The following MCPH1 variants were observed in gnomAD, a reference collection of about 807,000 sequenced individuals.
MCPH1 encodes the protein microcephalin 1.
A neutral mutation model predicts 84.5 loss-of-function variants in MCPH1; 104 were observed. The ratio of observed to expected loss-of-function variants is 1.23; its 90% CI spans 1.05 to 1.45. MCPH1 has a LOEUF of 1.45. MCPH1 is among the 40% of genes most tolerant of loss of function. The pLI, the probability that MCPH1 is intolerant of heterozygous loss-of-function variation, is 0.00. For missense variants in MCPH1, 1,498 were observed against 1,005.7 expected (o/e 1.49, Z -6.62); for synonymous variants, 514 against 366.8 (o/e 1.40, Z -4.58).
At chr8:6,554,834 G>A (rs1219149557) in intron 12 of MCPH1, among the ~76,000 whole-genome samples, 2 of 152,160 alleles carry the variant, frequency 1.3e-5, no homozygotes, top group Admixed American at 1.3e-4. Flanking sequence ...TGCAGGAGGG[G>A]CTCTGGTAAA....
At chr8:6,440,635 G>C (rs1382356340) in intron 6 of MCPH1, among the ~76,000 whole-genome samples, 1 of 152,176 alleles carries the variant, frequency 6.6e-6, no homozygotes, top group Non-Finnish European at 1.5e-5. Context: ...AATGGCATTA[G>C]CCTGTAGCCT....
intron 12 of MCPH1, among the ~76,000 whole-genome samples, chr8:6,535,045 G>C (rs1820241452): frequency 6.6e-6 from 1 of 152,176 alleles, no homozygotes; most frequent in Admixed American, 6.5e-5. Flanking sequence ...TGGAACTATA[G>C]AGATAGACTC....
At chr8:6,513,719 C>T (rs149383060) in intron 12 of MCPH1, 3 of 1,613,380 alleles carry the variant, frequency 1.9e-6, no homozygotes, top group East Asian at 4.5e-5. Context: ...AATGTTCATA[C>T]AATGAGTAAG....
intron 12 of MCPH1, among the ~76,000 whole-genome samples, chr8:6,520,803 T>C (rs2515442): frequency 6.6e-6 from 1 of 152,138 alleles, no homozygotes; most frequent in African/African-American, 2.4e-5. Context: ...TTAAGTGCCA[T>C]TGTATTATCT....
At chr8:6,474,674 C>A (rs1048396642) in intron 9 of MCPH1, among the ~76,000 whole-genome samples, 2 of 152,042 alleles carry the variant, frequency 1.3e-5, no homozygotes, top group African/African-American at 4.8e-5. Context: ...ATCTGTATAG[C>A]TTTTGTAAGA....
At chr8:6,516,270 C>A (rs1056365860) in intron 12 of MCPH1, among the ~76,000 whole-genome samples, 1 of 152,226 alleles carries the variant, frequency 6.6e-6, no homozygotes, top group African/African-American at 2.4e-5. Flanking sequence ...CATCCAAGTA[C>A]TCTGCCAGAT....
At chr8:6,432,432 A>T (rs1319652751) in intron 4 of MCPH1, among the ~76,000 whole-genome samples, 4 of 152,228 alleles carry the variant, frequency 2.6e-5, no homozygotes, top group African/African-American at 9.6e-5. Flanking sequence ...TGGAACTTGC[A>T]GATACAGAGG....
intron 3 of MCPH1, among the ~76,000 whole-genome samples, chr8:6,422,717 C>G (rs1202685331): frequency 6.6e-6 from 1 of 152,204 alleles, no homozygotes; most frequent in Non-Finnish European, 1.5e-5. Context: ...GAGACTGAGT[C>G]TCACTCTCTT....
chr8:6,624,590 C>T (rs988821485), intron 13 of MCPH1, among the ~76,000 whole-genome samples: 2 of 152,144 alleles, frequency 1.3e-5, no homozygotes, highest in Non-Finnish European at 2.9e-5. Flanking sequence ...CAGCTATGTA[C>T]GAATAAAGAA....
At chr8:6,465,007 A>G (rs940120826) in intron 9 of MCPH1, among the ~76,000 whole-genome samples, 3 of 152,082 alleles carry the variant, frequency 2.0e-5, no homozygotes, top group Admixed American at 6.5e-5. Flanking sequence ...CAGAAAAAAA[A>G]AAAAAGAAAA....
At chr8:6,497,658 G>C (rs1304008074) in intron 11 of MCPH1, among the ~76,000 whole-genome samples, 1 of 152,176 alleles carries the variant, frequency 6.6e-6, no homozygotes, top group East Asian at 1.9e-4. Flanking sequence ...GGATGACTGG[G>C]TACAACACAT....
chr8:6,406,632 C>G lies in MCPH1; in HGVS notation c.-36C>G. ...GCGCGCGCCGCCAGGCTCGCAAGCA[C>G]CGCGTAGGCCAGCTGGCCGGATCCC... On this transcript the variant is annotated 5_prime_UTR_variant, in exon 1 of 14. Coordinates refer to ENST00000344683, the MANE Select transcript of MCPH1 (RefSeq NM_024596.5). 1 of 1,609,408 alleles carries G rather than the reference C, an allele frequency of 6.2e-7. No individual in the cohort carries two copies. The highest frequency in any genetic ancestry group is 8.5e-7 in the Non-Finnish European group (1 of 1,178,596).
At chr8:6,513,203 C>A (rs1815528343) in intron 12 of MCPH1, among the ~76,000 whole-genome samples, 1 of 152,044 alleles carries the variant, frequency 6.6e-6, no homozygotes, top group Non-Finnish European at 1.5e-5. Context: ...ATTGTTATAA[C>A]CAAAGTTAGA....
intron 13 of MCPH1, chr8:6,627,182 C>T (rs1317958986): frequency 2.0e-6 from 2 of 985,284 alleles, no homozygotes; most frequent in Non-Finnish European, 2.4e-6. Context: ...CATGGGGCCA[C>T]TCGGGAGGCC....
Position 6,505,239 on chromosome 8 carries a change from A to ATAC in MCPH1, c.2214+5310_2214+5311insTAC, listed in dbSNP as rs1554514577. Among the ~76,000 whole-genome samples, 76 of 60,864 alleles carry ATAC rather than the reference A, an allele frequency of 1.2e-3. 13 individuals carry two copies. Among genetic ancestry groups the ATAC allele is most frequent in the African/African-American group, 6.3e-3 (67 of 10,596 alleles). The allele number at this position is 60,864 out of a possible 152,430, so 39.9% of individuals were successfully genotyped here. A position where few individuals can be genotyped will look rare whatever the true frequency, so the allele number is the denominator to read the frequency against. ...TATATATATTCTTATGTATATATAG[A>ATAC]ATATATATTCTTTATATATGTTTTA... is the stretch of plus-strand genomic sequence containing the variant. On this transcript the variant is annotated intron_variant, in intron 12 of 13. Transcript: ENST00000344683.
intron 12 of MCPH1, among the ~76,000 whole-genome samples, chr8:6,597,386 C>G (rs965665928): frequency 6.6e-6 from 1 of 152,124 alleles, no homozygotes; most frequent in South Asian, 2.1e-4. Context: ...TCCTTAAAGC[C>G]AGGACTAGAA....
rs904879529 is a variant in MCPH1 at position 6,645,848 on chromosome 8, T to C, written c.*2799T>C. On this transcript the variant is annotated 3_prime_UTR_variant, in exon 14 of 14. Coordinates refer to ENST00000344683, the MANE Select transcript of MCPH1 (RefSeq NM_024596.5). ...TGTAACATCTGTATACTGAAACCTG[T>C]AAAACATTGCTGAAAGAAGTTAAAG... 12 of 152,162 alleles carry C rather than the reference T, an allele frequency of 7.9e-5. No individual in the cohort carries two copies. Among genetic ancestry groups the C allele is most frequent in the African/African-American group, 2.9e-4 (12 of 41,440 alleles). The allele number at this position is 152,162 out of a possible 1,614,324, so 9.4% of individuals were successfully genotyped here. A position where few individuals can be genotyped will look rare whatever the true frequency, so the allele number is the denominator to read the frequency against.
chr8:6,593,101 T>TC (rs1554469457), intron 12 of MCPH1, among the ~76,000 whole-genome samples: 3 of 150,236 alleles, frequency 2.0e-5, no homozygotes, highest in Non-Finnish European at 4.4e-5. Flanking sequence ...TTTTTTTTTT[T>TC]AGACAGAGTT....
intron 13 of MCPH1, among the ~76,000 whole-genome samples, chr8:6,630,312 G>C (rs1464415746): frequency 6.6e-6 from 1 of 152,174 alleles, no homozygotes; most frequent in Non-Finnish European, 1.5e-5. Context: ...AATTGGAGCT[G>C]TCACTGCAGT....
Sources: gnomAD v4.1 joint callset for allele counts (sites outside exome capture counted in the v4.1 genomes callset) on GRCh38, gnomAD v4.1.1 for gene constraint, MANE v1.5 for transcripts, NCBI Gene and HGNC (gene_info 2026-07-23, HGNC 2026-07-21) for gene names.